RETREG1: variants seen among roughly 807,000 people sequenced by gnomAD.
RETREG1 encodes reticulophagy regulator 1.
RETREG1 carries 44 observed loss-of-function variants against 54.8 expected under a neutral mutation model. The observed-to-expected ratio is 0.80, with a 90% CI of 0.63 to 1.03. The LOEUF is 1.03. RETREG1 is among the 50% of genes least tolerant of loss of function. The pLI, the probability that RETREG1 is intolerant of heterozygous loss-of-function variation, is 0.00. For synonymous variants in RETREG1, 217 were observed against 238.5 expected, an observed-to-expected ratio of 0.91 and a Z score of 0.83; for missense variants, 554 against 605.1, an observed-to-expected ratio of 0.92 and a Z score of 0.89.
chr5:16,474,583 A>C lies in RETREG1; in HGVS notation c.*158T>G. 4 of 793,418 alleles carry C rather than the reference A, an allele frequency of 5.0e-6. No homozygotes were observed. The highest frequency in any genetic ancestry group is 1.8e-5 in the South Asian group (1 of 55,140). The allele number at this position is 793,418 out of a possible 1,614,324, so 49.1% of individuals were successfully genotyped here. ...TATCAATCTATCAGTGTCAGCTGATATATATCCAATTAATTCACTGCAGGA... is the reference window on the plus strand; with the variant it reads ...TATCAATCTATCAGTGTCAGCTGATCTATATCCAATTAATTCACTGCAGGA... On this transcript the variant is annotated 3_prime_UTR_variant, in exon 9 of 9. Coordinates refer to ENST00000306320, the MANE Select transcript of RETREG1 (RefSeq NM_001034850.3).
intron 3 of RETREG1, among the ~76,000 whole-genome samples, chr5:16,492,959 G>A (rs79754471): frequency 0.021 from 3,198 of 152,258 alleles, 51 homozygotes; most frequent in Non-Finnish European, 0.032. Flanking sequence ...AATTAGCCAC[G>A]TGAGCGACTC....
chr5:16,576,040 GT>G (rs879352888), intron 1 of RETREG1, among the ~76,000 whole-genome samples: 3 of 152,096 alleles, frequency 2.0e-5, no homozygotes, highest in Non-Finnish European at 4.4e-5. Flanking sequence ...ATTTGGGAGG[GT>G]TTGTGTTATT....
At chr5:16,504,827 AC>A (rs1308071275) in intron 3 of RETREG1, among the ~76,000 whole-genome samples, 1 of 152,216 alleles carries the variant, frequency 6.6e-6, no homozygotes, top group East Asian at 1.9e-4. Context: ...ACGCTGGCTC[AC>A]AGGAATCCCA....
intron 3 of RETREG1, among the ~76,000 whole-genome samples, chr5:16,496,475 T>C (rs1444435079): frequency 6.6e-6 from 1 of 152,194 alleles, no homozygotes; most frequent in Non-Finnish European, 1.5e-5. Context: ...TTTAAAGTCA[T>C]GGCCTGCAAG....
chr5:16,485,369 T>A (rs1245838562), intron 3 of RETREG1, among the ~76,000 whole-genome samples: 1 of 152,180 alleles, frequency 6.6e-6, no homozygotes, highest in African/African-American at 2.4e-5. Context: ...AACATTAAGA[T>A]GGAATAAATG....
intron 3 of RETREG1, among the ~76,000 whole-genome samples, chr5:16,511,224 G>A (rs978636834): frequency 2.6e-5 from 4 of 152,052 alleles, no homozygotes; most frequent in African/African-American, 9.7e-5. Flanking sequence ...TCTTTTTCTG[G>A]GCTAGCGACA....
intron 3 of RETREG1, among the ~76,000 whole-genome samples, chr5:16,531,630 A>ATACCTTGGGCTTGG (rs1740919525): frequency 1.3e-5 from 2 of 152,080 alleles, no homozygotes; most frequent in Non-Finnish European, 2.9e-5. Context: ...CCTCCCAGGG[A>ATACCTTGGGCTTGG]AGGGGTGCCT....
At position 16,597,257 on chromosome 5, in the gene RETREG1, C is replaced by A. The variant is rs1262895478; in HGVS notation, c.320+19395G>T. Among the ~76,000 whole-genome samples, 1 of 152,234 alleles carries A rather than the reference C, an allele frequency of 6.6e-6. No homozygotes were observed. Among genetic ancestry groups the A allele is most frequent in the Non-Finnish European group, 1.5e-5 (1 of 68,038 alleles). On this transcript the variant is annotated intron_variant, in intron 1 of 8. Transcript: ENST00000306320. The surrounding 1 kb of genome is among the most constrained non-coding windows in gnomAD (Gnocchi z 4.3). ...GTCATTGTGAATATTAGTAACGACA[C>A]CTACCTCCTCCAACAGTTGTTATGT...
At chr5:16,506,157 A>G (rs1468123802) in intron 3 of RETREG1, among the ~76,000 whole-genome samples, 2 of 152,242 alleles carry the variant, frequency 1.3e-5, no homozygotes, top group South Asian at 2.1e-4. Flanking sequence ...ACACCTGGAT[A>G]CACTTATGAA....
rs1221219842 is a variant in RETREG1 at position 16,585,061 on chromosome 5, T to C, written c.321-12959A>G. On this transcript the variant is annotated intron_variant, in intron 1 of 8. Coordinates refer to ENST00000306320, the MANE Select transcript of RETREG1 (RefSeq NM_001034850.3). The surrounding 1 kb of genome is among the most constrained non-coding windows in gnomAD (Gnocchi z 4.5). The stretch of plus-strand genomic sequence containing the variant: ...ATCAGAGGAGAGGAAAAGAGGGTGG[T>C]AGGTAATAGACTCCTTTCTCTAAAG... Among the ~76,000 whole-genome samples, 2 of 151,636 alleles carry C rather than the reference T, an allele frequency of 1.3e-5. No homozygotes were observed. Among genetic ancestry groups the C allele is most frequent in the African/African-American group, 4.9e-5 (2 of 41,204 alleles).
At chr5:16,476,970 C>T (rs930617256) in intron 8 of RETREG1, among the ~76,000 whole-genome samples, 4 of 152,034 alleles carry the variant, frequency 2.6e-5, no homozygotes, top group African/African-American at 7.2e-5. Flanking sequence ...TGAGAAACTC[C>T]GGAGTCAGCT....
chr5:16,586,266 G>A (rs1742624038), intron 1 of RETREG1, among the ~76,000 whole-genome samples: 1 of 152,144 alleles, frequency 6.6e-6, no homozygotes, highest in African/African-American at 2.4e-5. Context: ...TATCTTTTAT[G>A]CAAATGGCAT....
At chr5:16,493,520 A>G (rs1334445708) in intron 3 of RETREG1, among the ~76,000 whole-genome samples, 4 of 152,176 alleles carry the variant, frequency 2.6e-5, no homozygotes, top group African/African-American at 4.8e-5. Flanking sequence ...AGGACAGATA[A>G]TATCAGATAG....
chr5:16,563,350 T>C (rs1436893528), intron 3 of RETREG1, among the ~76,000 whole-genome samples: 3 of 152,168 alleles, frequency 2.0e-5, no homozygotes, highest in Non-Finnish European at 2.9e-5. Flanking sequence ...CTCTGCCTCC[T>C]GGGTTCAAGA....
chr5:16,605,016 C>T (rs1385288211), intron 1 of RETREG1, among the ~76,000 whole-genome samples: 1 of 151,968 alleles, frequency 6.6e-6, no homozygotes, highest in African/African-American at 2.4e-5. Flanking sequence ...TATATATGCA[C>T]CTTGGAAAAA....
intron 1 of RETREG1, among the ~76,000 whole-genome samples, chr5:16,595,185 C>T (rs1441078607): frequency 6.6e-6 from 1 of 152,170 alleles, no homozygotes; most frequent in East Asian, 1.9e-4. Context: ...GTCTTGTACA[C>T]GAGGCCCCCT....
chr5:16,523,632 A>AGG (rs1249511119), intron 3 of RETREG1, among the ~76,000 whole-genome samples: 1 of 152,026 alleles, frequency 6.6e-6, no homozygotes, highest in Non-Finnish European at 1.5e-5. Flanking sequence ...TCCATCCTCT[A>AGG]TTCTTTGAAA....
chr5:16,566,702 T>C (rs1287389946), intron 2 of RETREG1, among the ~76,000 whole-genome samples: 1 of 152,236 alleles, frequency 6.6e-6, no homozygotes, highest in East Asian at 1.9e-4. Context: ...TGGTTTTCCT[T>C]TTTGCCTTGG....
At position 16,561,209 on chromosome 5, in the gene RETREG1, T is replaced by C. The variant is rs953481380; in HGVS notation, c.458+4554A>G. The stretch of plus-strand genomic sequence containing the variant: ...TGAATAAGACCCTTCCTATAAACGG[T>C]ACTTCCCGCCGGGCGCAGTGGCTCA... On this transcript the variant is annotated intron_variant, in intron 3 of 8. Transcript: ENST00000306320. The surrounding 1 kb of genome is among the most constrained non-coding windows in gnomAD (Gnocchi z 4.2). Among the ~76,000 whole-genome samples the C allele has an allele frequency of 9.9e-5, 15 of 151,694 alleles. No individual in the cohort carries two copies.
Sources: allele counts gnomAD v4.1 joint callset (sites outside exome capture counted in the v4.1 genomes callset), GRCh38; gene constraint gnomAD v4.1.1; non-coding constraint Gnocchi (gnomAD v3.1); transcripts MANE v1.5; gene names NCBI Gene and HGNC (gene_info 2026-07-23, HGNC 2026-07-21).